The following RAB6D variants were observed in gnomAD, a reference collection of about 807,000 sequenced individuals.
The protein encoded by RAB6D is ras-related protein Rab-6D.
A neutral mutation model predicts 17.5 loss-of-function variants in RAB6D; 11 were observed. The ratio of observed to expected loss-of-function variants is 0.63; its 90% CI spans 0.39 to 1.04. RAB6D has a LOEUF of 1.04. Among genes scored for constraint, RAB6D ranks in the 50% least tolerant of loss-of-function variants. The pLI, the probability that RAB6D is intolerant of heterozygous loss-of-function variation, is 0.00. For missense variants in RAB6D, 163 were observed against 315.1 expected, an observed-to-expected ratio of 0.52 and a Z score of 3.65; for synonymous variants, 68 against 122.6, an observed-to-expected ratio of 0.55 and a Z score of 2.94.
chr2:131,363,970 G>A lies in RAB6D; in HGVS notation c.-250C>T, dbSNP rs1467504343. 9.6e-6 allele frequency: 6 copies of A among 625,644 alleles called. No individual in the cohort carries two copies. The highest frequency in any genetic ancestry group is 1.7e-5 in the Non-Finnish European group (6 of 349,658). 38.8% of individuals were successfully genotyped at this position (625,644 alleles called of 1,614,324 possible). Reference sequence around the variant, plus strand: ...CTGGGAAGGGAAGGAGGGCGGTGTCGGCAGGAGCCAGGGGTGTGCTTTGGC... The same window carrying A: ...CTGGGAAGGGAAGGAGGGCGGTGTCAGCAGGAGCCAGGGGTGTGCTTTGGC... On this transcript the variant is annotated 5_prime_UTR_variant, in exon 1 of 1. Transcript: ENST00000623617.
chr2:131,363,663 C>T lies in RAB6D; in HGVS notation c.58G>A (p.Gly20Arg), dbSNP rs1272063347. 1.4e-6 allele frequency: 2 copies of T among 1,428,942 alleles called. No homozygotes were observed. The highest frequency in any genetic ancestry group is 1.4e-5 in the African/African-American group (1 of 72,636). 88.5% of individuals were successfully genotyped at this position (1,428,942 alleles called of 1,614,324 possible). Residue 20 changes from glycine (G) to arginine (R), a missense_variant, in exon 1 of 1, where the codon GGG becomes AGG. Coordinates refer to ENST00000623617, the MANE Select transcript of RAB6D (RefSeq NM_001077637.3). ...PLRKFKLVFL[G>R]EQSVAKTSLI... ...GATGTCTTTGCAACGCTTTGCTCCC[C>T]CAGGAACACCAGCTTGAATTTCCTC...
rs1703450126 is a variant in RAB6D, at chr2:131,363,353, A to G, written c.368T>C (p.Leu123Pro). The G allele has an allele frequency of 4.3e-6, 7 of 1,614,118 alleles. No homozygotes were observed. Among genetic ancestry groups the G allele is most frequent in the Non-Finnish European group, 5.1e-6 (6 of 1,180,044 alleles). ...AGCAAGATCTGTTTTATTTCCTACT[A>G]GCGTGATGATAACATCACTTCCTCC... The part of the protein sequence containing the change: ...TEGGSDVIIT[L>P]VGNKTDLADK... The change falls in exon 1 of 1, where the codon CTA becomes CCA. Residue 123 changes from leucine to proline, a missense_variant. Leu to Pro is a moderately conservative substitution (Grantham distance 98). Coordinates refer to ENST00000623617, the MANE Select transcript of RAB6D (RefSeq NM_001077637.3).
chr2:131,362,748 A>C lies in RAB6D; in HGVS notation c.*208T>G, dbSNP rs1703439075. On this transcript the variant is annotated 3_prime_UTR_variant, in exon 1 of 1. Coordinates refer to ENST00000623617, the MANE Select transcript of RAB6D (RefSeq NM_001077637.3). The stretch of plus-strand genomic sequence containing the variant: ...AGGAGAGATAAAGCAGGCTGTGAAC[A>C]TACTGCTCGTTAACCAAGCCATACT... The C allele has an allele frequency of 1.7e-6, 1 of 571,936 alleles. No homozygotes were observed. 35.4% of individuals were successfully genotyped at this position (571,936 alleles called of 1,614,324 possible). A position where few individuals can be genotyped will look rare whatever the true frequency, so the allele number is the denominator to read the frequency against.
Position 131,363,215 on chromosome 2 carries a change from C to A in RAB6D, c.506G>T (p.Arg169Leu). 6.2e-7 allele frequency: 1 copy of A among 1,613,146 alleles called. No homozygotes were observed. Among genetic ancestry groups the A allele is most frequent in the Non-Finnish European group, 8.5e-7 (1 of 1,179,742 alleles). Reference sequence around the variant, plus strand: ...CATTCCCGGCAAAGCTGCTGCTACACGTCGAAAGAGCTGCTTTACATTGTA... The same window carrying A: ...CATTCCCGGCAAAGCTGCTGCTACAAGTCGAAAGAGCTGCTTTACATTGTA... Reference protein sequence around the residue: ...AGYNVKQLFRRVAAALPGMES... With the variant: ...AGYNVKQLFRLVAAALPGMES... Residue 169 changes from arginine (R) to leucine (L), a missense_variant, in exon 1 of 1, where the codon CGT (arginine) becomes CTT (leucine). Physicochemically the swap from Arg to Leu is moderately radical, Grantham distance 102. Transcript: ENST00000623617.
rs971718962 is a variant in RAB6D, at chr2:131,360,755, C to T, written c.*2201G>A. On this transcript the variant is annotated 3_prime_UTR_variant, in exon 1 of 1. Coordinates refer to ENST00000623617, the MANE Select transcript of RAB6D (RefSeq NM_001077637.3). ...ATCAGGGAAATGCTATTAAACATAG[C>T]ATAGCATTGTGTGTGTGGATGTGTG... Among the ~76,000 whole-genome samples, 3 of 151,922 alleles carry T rather than the reference C, an allele frequency of 2.0e-5. No homozygotes were observed. The highest frequency in any genetic ancestry group is 7.3e-5 in the African/African-American group (3 of 41,354).
At position 131,361,795 on chromosome 2, in the gene RAB6D, A is replaced by G. The variant is rs541625110; in HGVS notation, c.*1161T>C. 6.0e-6 allele frequency: 1 copy of G among 167,220 alleles called. No individual in the cohort carries two copies. The highest frequency in any genetic ancestry group is 1.9e-4 in the East Asian group (1 of 5,196). 10.4% of individuals were successfully genotyped at this position (167,220 alleles called of 1,614,324 possible). ...AATTAAACTATACAGATCTCATACA[A>G]ACGAAAACCAGCCTGAAAGACCCAA... On this transcript the variant is annotated 3_prime_UTR_variant, in exon 1 of 1. Transcript: ENST00000623617.
In RAB6D at chr2:131,363,306, C is replaced by T. The variant is rs750740983; in HGVS notation, c.415G>A (p.Glu139Lys). 4 of 1,614,058 alleles carry T rather than the reference C, an allele frequency of 2.5e-6. No homozygotes were observed. In the East Asian group the frequency reaches 8.9e-5, roughly 36 times the overall value. Residue 139 changes from glutamate to lysine, a missense_variant, in exon 1 of 1, where the codon GAG becomes AAG. Transcript: ENST00000623617. The part of the protein sequence containing the change: ...DLADKRQVSI[E>K]EGERKAKGLN... ...CCTTTGGCTTTCCTCTCTCCCTCCT[C>T]AATTGACACTTGCCTCTTGTCAGCA...
rs1362502620 is a variant in RAB6D, at chr2:131,360,799, A to AGGTAAAAAGGGAAGGT, written c.*2141_*2156dup. Among the ~76,000 whole-genome samples the AGGTAAAAAGGGAAGGT allele has an allele frequency of 6.6e-6, 1 of 152,160 alleles. No individual in the cohort carries two copies. On this transcript the variant is annotated 3_prime_UTR_variant, in exon 1 of 1. Transcript: ENST00000623617. ...ATGTGTGGATGTAAATGGCAGTAAA[A>AGGTAAAAAGGGAAGGT]GGTAAAAAGGGAAGGTGGTAAAAAG... is the stretch of plus-strand genomic sequence containing the variant.
At position 131,363,989 on chromosome 2, in the gene RAB6D, C is replaced by G. The variant is rs547867841; in HGVS notation, c.-269G>C. The G allele has an allele frequency of 5.1e-6, 3 of 586,950 alleles. No homozygotes were observed. The highest frequency in any genetic ancestry group is 2.9e-5 in the East Asian group (1 of 34,620). 36.4% of individuals were successfully genotyped at this position (586,950 alleles called of 1,614,324 possible). A position where few individuals can be genotyped will look rare whatever the true frequency, so the allele number is the denominator to read the frequency against. The stretch of plus-strand genomic sequence containing the variant: ...GGTGTCGGCAGGAGCCAGGGGTGTG[C>G]TTTGGCTTCCCAAGGCTAGGGCCGT... On this transcript the variant is annotated 5_prime_UTR_variant, in exon 1 of 1. Transcript: ENST00000623617.
Position 131,363,243 on chromosome 2 carries a change from C to T in RAB6D, c.478G>A (p.Gly160Arg). ...CGAAAGAGCTGCTTTACATTGTATC[C>T]AGCTTTTGCCCTAGTTTCAATAAAC... The part of the protein sequence containing the change: ...VTFIETRAKA[G>R]YNVKQLFRRV... Residue 160 changes from glycine to arginine, a missense_variant, in exon 1 of 1, where the codon GGA becomes AGA. Physicochemically the swap from Gly to Arg is moderately radical, Grantham distance 125. This residue lies in a region of RAB6D where 144 missense variants were observed against 244.4 expected (regional missense o/e 0.59). Coordinates refer to ENST00000623617, the MANE Select transcript of RAB6D (RefSeq NM_001077637.3). 6.2e-7 allele frequency: 1 copy of T among 1,613,612 alleles called. No homozygotes were observed. The highest frequency in any genetic ancestry group is 1.7e-5 in the Admixed American group (1 of 59,972).
rs187234143 is a variant in RAB6D at position 131,361,660 on chromosome 2, T to C, written c.*1296A>G. On this transcript the variant is annotated 3_prime_UTR_variant, in exon 1 of 1. Coordinates refer to ENST00000623617, the MANE Select transcript of RAB6D (RefSeq NM_001077637.3). Reference sequence around the variant, plus strand: ...CATATTGCCATGGTGAAGCTCTAAATAGATTCAACGAAACATCTAAAAATT... The same window carrying C: ...CATATTGCCATGGTGAAGCTCTAAACAGATTCAACGAAACATCTAAAAATT... The C allele has an allele frequency of 5.5e-4, 91 of 165,692 alleles. No homozygotes were observed. Among genetic ancestry groups the C allele is most frequent in the African/African-American group, 2.2e-3 (89 of 41,228 alleles). 10.3% of individuals were successfully genotyped at this position (165,692 alleles called of 1,614,324 possible).
chr2:131,363,015 G>T lies in RAB6D; in HGVS notation c.706C>A (p.Leu236Ile). The T allele has an allele frequency of 1.9e-6, 3 of 1,580,840 alleles. No homozygotes were observed. The highest frequency in any genetic ancestry group is 2.6e-6 in the Non-Finnish European group (3 of 1,165,744). The change falls in exon 1 of 1, where the codon CTT becomes ATT. Residue 236 changes from leucine (L) to isoleucine (I), a missense_variant. Physicochemically the swap from Leu to Ile is conservative, Grantham distance 5 (BLOSUM62 2). Around this residue, in one of 2 missense-constraint regions of RAB6D, gnomAD observed 144 missense variants for 244.4 expected, o/e 0.59. Transcript: ENST00000623617. ...IDCSVNIGLN[L>I]FPSLITFCNS... Reference sequence around the variant, plus strand: ...CAAAACGTTATTAATGAAGGGAAAAGGTTCAAGCCAATATTCACACTGCAG... The same window carrying T: ...CAAAACGTTATTAATGAAGGGAAAATGTTCAAGCCAATATTCACACTGCAG...
rs1703418161 is a variant in RAB6D, at chr2:131,361,020, A to G, written c.*1936T>C. 4 of 166,822 alleles carry G rather than the reference A, an allele frequency of 2.4e-5. No homozygotes were observed. The highest frequency in any genetic ancestry group is 9.6e-5 in the African/African-American group (4 of 41,460). 10.3% of individuals were successfully genotyped at this position (166,822 alleles called of 1,614,324 possible). A position where few individuals can be genotyped will look rare whatever the true frequency, so the allele number is the denominator to read the frequency against. On this transcript the variant is annotated 3_prime_UTR_variant, in exon 1 of 1. Coordinates refer to ENST00000623617, the MANE Select transcript of RAB6D (RefSeq NM_001077637.3). The stretch of plus-strand genomic sequence containing the variant: ...TAACTGCTTACTTTTTAAAAAATAC[A>G]TAAAAAGAATCAAATGCAACAGTGT...
In RAB6D at chr2:131,363,216, G is replaced by GT; in HGVS notation, c.504dup (p.Arg169ThrfsTer22). The stretch of plus-strand genomic sequence containing the variant: ...ATTCCCGGCAAAGCTGCTGCTACAC[G>GT]TCGAAAGAGCTGCTTTACATTGTAT... On this transcript the variant is annotated frameshift_variant, in exon 1 of 1. Transcript: ENST00000623617. LOFTEE classifies it high-confidence loss of function. The GT allele has an allele frequency of 1.2e-6, 2 of 1,612,956 alleles. No individual in the cohort carries two copies. Among genetic ancestry groups the GT allele is most frequent in the Admixed American group, 1.7e-5 (1 of 59,936 alleles).
rs1359546606 is a variant in RAB6D at position 131,362,839 on chromosome 2, TAAGAA to T, written c.*112_*116del. On this transcript the variant is annotated 3_prime_UTR_variant, in exon 1 of 1. Transcript: ENST00000623617. ...TAACATTAAAAAAGAAAAAAAATGT[TAAGAA>T]AATGTATCTAATTTTTAAAGTTATC... is the stretch of plus-strand genomic sequence containing the variant. 1 of 1,424,408 alleles carries T rather than the reference TAAGAA, an allele frequency of 7.0e-7. No homozygotes were observed. Among genetic ancestry groups the T allele is most frequent in the Non-Finnish European group, 9.4e-7 (1 of 1,061,744 alleles). 88.2% of individuals were successfully genotyped at this position (1,424,408 alleles called of 1,614,324 possible).
At position 131,363,108 on chromosome 2, in the gene RAB6D, C is replaced by G; in HGVS notation, c.613G>C (p.Gly205Arg). The G allele has an allele frequency of 6.2e-7, 1 of 1,607,018 alleles. No individual in the cohort carries two copies. The highest frequency in any genetic ancestry group is 8.5e-7 in the Non-Finnish European group (1 of 1,175,390). ...KPQEQTVSEG[G>R]CSCYSPMSSS... ...GACATGGGAGAGTAGCAGGAACAAC[C>G]CCCTTCGCTGACTGTTTGCTCCTGA... The change falls in exon 1 of 1, where the codon GGT (glycine) becomes CGT (arginine). Residue 205 changes from glycine to arginine, a missense_variant. This residue lies in a region of RAB6D where 144 missense variants were observed against 244.4 expected (regional missense o/e 0.59). Transcript: ENST00000623617.
rs533583829 is a variant in RAB6D at position 131,362,957 on chromosome 2, C to A, written c.764G>T (p.Ter255LeuextTer61). ...TTTTGTGCTTGTCAAGCTAATAGAT[C>A]ATCTCCACGAGACAGGCAGCAATGA... ...NSSLLPVSWR[*>L] The change falls in exon 1 of 1, where the codon TGA (stop) becomes TTA (leucine). Residue 255 changes from the stop codon to leucine, a stop_lost. Transcript: ENST00000623617. 3 of 1,606,558 alleles carry A rather than the reference C, an allele frequency of 1.9e-6. No individual in the cohort carries two copies. The highest frequency in any genetic ancestry group is 4.5e-5 in the East Asian group (2 of 44,706).
chr2:131,362,894 G>A lies in RAB6D; in HGVS notation c.*62C>T. On this transcript the variant is annotated 3_prime_UTR_variant, in exon 1 of 1. Transcript: ENST00000623617. ...CACTGGAATACGCTGAAATAGTTTG[G>A]CTTTTTGTAAAATATAAATAATGAA... 6.5e-7 allele frequency: 1 copy of A among 1,540,310 alleles called. No homozygotes were observed.
Position 131,362,212 on chromosome 2 carries a change from A to G in RAB6D, c.*744T>C, listed in dbSNP as rs1703433001. On this transcript the variant is annotated 3_prime_UTR_variant, in exon 1 of 1. Coordinates refer to ENST00000623617, the MANE Select transcript of RAB6D (RefSeq NM_001077637.3). ...TAAAGAGGTTTCTTATTTTTTAAAC[A>G]AACAGAATAACTCTTGACAATTTTA... 6.0e-6 allele frequency: 1 copy of G among 166,898 alleles called. No individual in the cohort carries two copies. The highest frequency in any genetic ancestry group is 1.5e-5 in the Non-Finnish European group (1 of 68,130). The allele number at this position is 166,898 out of a possible 1,614,324, so 10.3% of individuals were successfully genotyped here.
Sources: allele counts gnomAD v4.1 joint callset (sites outside exome capture counted in the v4.1 genomes callset), GRCh38; gene constraint gnomAD v4.1.1; regional missense constraint gnomAD v4.1.1; transcripts MANE v1.5; gene names NCBI Gene and HGNC (gene_info 2026-07-23, HGNC 2026-07-21).